LYZ: variants seen among roughly 807,000 people sequenced by gnomAD.
The protein encoded by LYZ is lysozyme C.
In LYZ, 18 loss-of-function variants were observed where a neutral mutation model predicts 15.8. That is an observed-to-expected ratio of 1.14 (90% CI 0.79 to 1.69). The LOEUF (loss-of-function observed/expected upper bound fraction) is 1.69, where lower values mean the gene tolerates loss of function less well. LYZ is among the 40% of genes most tolerant of loss of function. The pLI, the probability that LYZ is intolerant of heterozygous loss-of-function variation, is 0.00. For synonymous variants in LYZ, 60 were observed against 61.7 expected (o/e 0.97, Z 0.13); for missense variants, 139 against 182.8 (o/e 0.76, Z 1.38).
At chr12:69,349,092 T>C (rs977329351) in intron 1 of LYZ, among the ~76,000 whole-genome samples, 1 of 152,126 alleles carries the variant, frequency 6.6e-6, no homozygotes, top group Admixed American at 6.6e-5. Flanking sequence ...ACCTCTGCCT[T>C]CTGGGCTCAA....
In LYZ at chr12:69,350,125, TG is replaced by T; in HGVS notation, c.157del (p.Glu53ArgfsTer59). On this transcript the variant is annotated frameshift_variant, in exon 2 of 4. Coordinates refer to ENST00000261267, the MANE Select transcript of LYZ (RefSeq NM_000239.3). LOFTEE classifies it high-confidence loss of function. ...SLANWMCLAKWESGYNTRATN... is the reference protein window; with the variant it reads ...SLANWMCLAKXESGYNTRATN... ...CTTTTCAGGGATGTGTTTGGCCAAA[TG>T]GGAGAGTGGTTACAACACACGAGCT... 1 of 1,614,030 alleles carries T rather than the reference TG, an allele frequency of 6.2e-7. No homozygotes were observed. The highest frequency in any genetic ancestry group is 1.3e-5 in the African/African-American group (1 of 75,018).
At chr12:69,352,439 A>C (rs958574340) in intron 3 of LYZ, 141 bp downstream of exon 3, 1 of 630,234 alleles carries the variant, frequency 1.6e-6, no homozygotes, top group Non-Finnish European at 2.8e-6. Flanking sequence ...TGTATTACCT[A>C]CATCCTTGAA....
rs1382183253 is a variant in LYZ at position 69,353,169 on chromosome 12, C to T, written c.397C>T (p.Arg133Cys). The T allele has an allele frequency of 4.3e-6, 7 of 1,613,906 alleles. No homozygotes were observed. Among genetic ancestry groups the T allele is most frequent in the South Asian group, 1.1e-5 (1 of 91,074 alleles). Residue 133 changes from arginine (R) to cysteine (C), a missense_variant, in exon 4 of 4, where the codon CGT (arginine) becomes TGT (cysteine). By Grantham distance (180) the Arg-to-Cys change is radical. Transcript: ENST00000261267. Reference protein sequence around the residue: ...GIRAWVAWRNRCQNRDVRQYV... With the variant: ...GIRAWVAWRNCCQNRDVRQYV... Reference sequence around the variant, plus strand: ...TTTCTACAGGGTGGCATGGAGAAATCGTTGTCAAAACAGAGATGTCCGTCA... The same window carrying T: ...TTTCTACAGGGTGGCATGGAGAAATTGTTGTCAAAACAGAGATGTCCGTCA...
rs766102897 is a variant in LYZ, at chr12:69,353,306, C to T, written c.*87C>T. The T allele has an allele frequency of 8.0e-6, 8 of 997,300 alleles. No homozygotes were observed. The Admixed American group carries it at 1.0e-4, about 13-fold the overall frequency. The allele number at this position is 997,300 out of a possible 1,614,324, so 61.8% of individuals were successfully genotyped here. On this transcript the variant is annotated 3_prime_UTR_variant, in exon 4 of 4. Coordinates refer to ENST00000261267, the MANE Select transcript of LYZ (RefSeq NM_000239.3). ...GTGAAAGGTCACACTACCATTATTT[C>T]CCCTTCAAACAAATAATATTTTTAC...
Position 69,353,327 on chromosome 12 carries a change from T to G in LYZ, c.*108T>G. ...ATTTCCCCTTCAAACAAATAATATT[T>G]TTACAGAAGCAGGAGCAAAATATGG... On this transcript the variant is annotated 3_prime_UTR_variant, in exon 4 of 4. Coordinates refer to ENST00000261267, the MANE Select transcript of LYZ (RefSeq NM_000239.3). The G allele has an allele frequency of 3.2e-6, 3 of 930,290 alleles. No individual in the cohort carries two copies. Among genetic ancestry groups the G allele is most frequent in the Non-Finnish European group, 5.4e-6 (3 of 560,398 alleles). 57.6% of individuals were successfully genotyped at this position (930,290 alleles called of 1,614,324 possible). A position where few individuals can be genotyped will look rare whatever the true frequency, so the allele number is the denominator to read the frequency against.
chr12:69,350,457 T>C (rs1874818805), intron 2 of LYZ, 185 bp downstream of exon 2: 2 of 615,918 alleles, frequency 3.2e-6, no homozygotes, highest in Non-Finnish European at 2.8e-6. Context: ...TCATAAAAGG[T>C]TGATGTTTTT....
At chr12:69,352,103 T>A in intron 2 of LYZ, 117 bp from the exon 3 acceptor site, 4 of 692,514 alleles carry the variant, frequency 5.8e-6, no homozygotes, top group Middle Eastern at 3.6e-4. Context: ...ATATATGGAC[T>A]CATAGAAAAT....
At chr12:69,352,598 G>A (rs1874866239) in intron 3 of LYZ, among the ~76,000 whole-genome samples, 1 of 152,232 alleles carries the variant, frequency 6.6e-6, no homozygotes, top group Non-Finnish European at 1.5e-5. Context: ...TGTGGGCCGG[G>A]CACAGTGGCT....
At position 69,348,503 on chromosome 12, in the gene LYZ, G is replaced by A. The variant is rs367859472; in HGVS notation, c.95G>A (p.Arg32Lys). 1 of 1,614,220 alleles carries A rather than the reference G, an allele frequency of 6.2e-7. No homozygotes were observed. The highest frequency in any genetic ancestry group is 8.5e-7 in the Non-Finnish European group (1 of 1,180,036). Reference sequence around the variant, plus strand: ...TGTGAGTTGGCCAGAACTCTGAAAAGATTGGGAATGGATGGCTACAGGGGA... The same window carrying A: ...TGTGAGTTGGCCAGAACTCTGAAAAAATTGGGAATGGATGGCTACAGGGGA... The part of the protein sequence containing the change: ...ERCELARTLK[R>K]LGMDGYRGIS... Residue 32 changes from arginine (R) to lysine (K), a missense_variant, in exon 1 of 4, where the codon AGA becomes AAA. Arg to Lys is a conservative substitution (Grantham distance 26, BLOSUM62 2). Coordinates refer to ENST00000261267, the MANE Select transcript of LYZ (RefSeq NM_000239.3).
intron 2 of LYZ, among the ~76,000 whole-genome samples, chr12:69,351,815 C>T (rs1874849197): frequency 6.6e-6 from 1 of 152,102 alleles, no homozygotes; most frequent in African/African-American, 2.4e-5. Flanking sequence ...CTATTGAGCA[C>T]TTAGGTTGTT....
At chr12:69,350,406 T>C (rs1417690302) in intron 2 of LYZ, 134 bp downstream of exon 2, 2 of 851,880 alleles carry the variant, frequency 2.3e-6, no homozygotes, top group African/African-American at 3.4e-5. Context: ...TCATTATTAT[T>C]TTCCTCATAA....
At chr12:69,350,295 C>T (rs373108192) in intron 2 of LYZ, 23 bp downstream of exon 2, 5 of 1,612,612 alleles carry the variant, frequency 3.1e-6, no homozygotes, top group Non-Finnish European at 4.2e-6. Context: ...AATATTTGAC[C>T]AATCTGGTTA....
chr12:69,350,207 G>A lies in LYZ; in HGVS notation c.236G>A (p.Ser79Asn). ...STDYGIFQIN[S>N]RYWCNDGKTP... ...GATTATGGGATATTTCAGATCAATA[G>A]CCGCTACTGGTGTAATGATGGCAAA... The change falls in exon 2 of 4, where the codon AGC becomes AAC. Residue 79 changes from serine (S) to asparagine (N), a missense_variant. Transcript: ENST00000261267. The A allele has an allele frequency of 6.2e-7, 1 of 1,614,116 alleles. No individual in the cohort carries two copies. Among genetic ancestry groups the A allele is most frequent in the Non-Finnish European group, 8.5e-7 (1 of 1,179,996 alleles).
Position 69,353,110 on chromosome 12 carries a change from A to T in LYZ, c.381-43A>T, listed in dbSNP as rs148563311. On this transcript the variant is annotated intron_variant, in intron 3 of 3. Coordinates refer to ENST00000261267, the MANE Select transcript of LYZ (RefSeq NM_000239.3). ...GCGAAGTATGTATATTACAATGAAG[A>T]TATGTTTTAACCTTTCACCATTTGC... 6.4e-4 allele frequency: 869 copies of T among 1,359,200 alleles called. 6 individuals carry two copies. The African/African-American group carries it at 0.011, about 17-fold the overall frequency. The allele number at this position is 1,359,200 out of a possible 1,614,324, so 84.2% of individuals were successfully genotyped here.
chr12:69,348,561 T>C lies in LYZ; in HGVS notation c.136+17T>C. On this transcript the variant is annotated intron_variant, in intron 1 of 3. Transcript: ENST00000261267. The stretch of plus-strand genomic sequence containing the variant: ...TAGCAAACTGTAAGTCTACTCTCCA[T>C]AATTCCAGAGAATTAGCTACGTATG... The C allele has an allele frequency of 6.2e-7, 1 of 1,614,092 alleles. No individual in the cohort carries two copies. The highest frequency in any genetic ancestry group is 8.5e-7 in the Non-Finnish European group (1 of 1,179,954).
intron 1 of LYZ, 70 bp from the exon 2 acceptor site, chr12:69,350,038 G>A: frequency 7.8e-7 from 1 of 1,279,618 alleles, no homozygotes; most frequent in African/African-American, 1.5e-5. Flanking sequence ...TAGCTAAGTA[G>A]AACTGATTTT....
At position 69,350,246 on chromosome 12, in the gene LYZ, T is replaced by C; in HGVS notation, c.275T>C (p.Val92Ala). The C allele has an allele frequency of 6.2e-7, 1 of 1,614,150 alleles. No homozygotes were observed. Among genetic ancestry groups the C allele is most frequent in the Non-Finnish European group, 8.5e-7 (1 of 1,180,010 alleles). ...AATGATGGCAAAACCCCAGGAGCAG[T>C]TAATGCCTGTCATTTATCCTGCAGT... ...WCNDGKTPGA[V>A]NACHLSCSAL... Residue 92 changes from valine (V) to alanine (A), a missense_variant, in exon 2 of 4, where the codon GTT (valine) becomes GCT (alanine). By Grantham distance (64) the Val-to-Ala change is moderately conservative. Transcript: ENST00000261267.
At chr12:69,350,327 A>G (rs773233570) in intron 2 of LYZ, 55 bp downstream of exon 2, 14 of 1,580,922 alleles carry the variant, frequency 8.9e-6, no homozygotes, top group Non-Finnish European at 1.0e-5. Flanking sequence ...ATTGAGACTC[A>G]ATACAAATGA....
In LYZ at chr12:69,353,494, G is replaced by GTTATTTTTTTTTTT. The variant is rs1565670433; in HGVS notation, c.*277_*278insATTTTTTTTTTTTT. Reference sequence around the variant, plus strand: ...ATCAAATACATCTCCAGTACATTCCGTTCTTTTTTTTTTTGAGACAGTCTC... The same window carrying GTTATTTTTTTTTTT: ...ATCAAATACATCTCCAGTACATTCCGTTATTTTTTTTTTTTTCTTTTTTTTTTTGAGACAGTCTC... On this transcript the variant is annotated 3_prime_UTR_variant, in exon 4 of 4. Transcript: ENST00000261267. The GTTATTTTTTTTTTT allele has an allele frequency of 2.0e-4, 42 of 211,268 alleles. No homozygotes were observed. Among genetic ancestry groups the GTTATTTTTTTTTTT allele is most frequent in the Middle Eastern group, 1.4e-3 (1 of 724 alleles). 13.1% of individuals were successfully genotyped at this position (211,268 alleles called of 1,614,324 possible).
Sources: gnomAD v4.1 joint callset for allele counts (sites outside exome capture counted in the v4.1 genomes callset) on GRCh38, gnomAD v4.1.1 for gene constraint, MANE v1.5 for transcripts, NCBI Gene and HGNC (gene_info 2026-07-23, HGNC 2026-07-21) for gene names.